TDRD5: variants seen among roughly 807,000 people sequenced by gnomAD.
The protein encoded by TDRD5 is tudor domain-containing protein 5.
TDRD5 carries 41 observed loss-of-function variants against 120.6 expected under a neutral mutation model. That is an observed-to-expected ratio of 0.34 (90% CI 0.26 to 0.44). The LOEUF (loss-of-function observed/expected upper bound fraction) is 0.44. TDRD5 is among the 20% of genes least tolerant of loss of function. The pLI is 1.00. For missense variants in TDRD5, 1,006 were observed against 1,221.2 expected (o/e 0.82, Z 2.63); for synonymous variants, 430 against 433.7 (o/e 0.99, Z 0.11).
chr1:179,611,428 T>C (rs1480495521), intron 4 of TDRD5, among the ~76,000 whole-genome samples: 2 of 152,146 alleles, frequency 1.3e-5, no homozygotes, highest in Non-Finnish European at 2.9e-5. Context: ...TATTAAATAT[T>C]ATTTTGAAAC....
At position 179,639,901 on chromosome 1, in the gene TDRD5, C is replaced by T. The variant is rs746383941; in HGVS notation, c.1583C>T (p.Pro528Leu). The T allele has an allele frequency of 5.6e-6, 9 of 1,614,032 alleles. No individual in the cohort carries two copies. Among genetic ancestry groups the T allele is most frequent in the East Asian group, 2.2e-5 (1 of 44,868 alleles). ...RYVMPECFIQ[P>L]GHLCCVRISE... ...GTCATGCCAGAATGTTTTATTCAGCCGGGACATCTCTGTTGTGTAAGGATT... is the reference window on the plus strand; with the variant it reads ...GTCATGCCAGAATGTTTTATTCAGCTGGGACATCTCTGTTGTGTAAGGATT... The change falls in exon 10 of 18, where the codon CCG becomes CTG. Residue 528 changes from proline to leucine, a missense_variant. Physicochemically the swap from Pro to Leu is moderately conservative, Grantham distance 98. Around this residue, in one of 3 missense-constraint regions of TDRD5, gnomAD observed 158 missense variants for 257.5 expected, o/e 0.61. Coordinates refer to ENST00000444136, the MANE Select transcript of TDRD5 (RefSeq NM_001199085.3).
At chr1:179,634,410 G>A (rs753200022) in intron 7 of TDRD5, 47 bp from the exon 8 acceptor site, 1 of 1,561,906 alleles carries the variant, frequency 6.4e-7, no homozygotes. Context: ...CTGCTCTATT[G>A]GCCATTTGAG....
rs775805075 is a variant in TDRD5, at chr1:179,618,627, C to T, written c.860C>T (p.Ala287Val). The change falls in exon 5 of 18, where the codon GCA becomes GTA. Residue 287 changes from alanine (A) to valine (V), a missense_variant. By Grantham distance (64) the Ala-to-Val change is moderately conservative. Transcript: ENST00000444136. ...QLENTFKSVI[A>V]QIGPGGTISS... ...GAGAACACATTCAAATCAGTTATTG[C>T]ACAGATTGGACCTGGAGGAACTATC... The T allele has an allele frequency of 6.3e-6, 10 of 1,595,690 alleles. No individual in the cohort carries two copies. The highest frequency in any genetic ancestry group is 1.1e-5 in the South Asian group (1 of 87,058).
rs1230334417 is a variant in TDRD5, at chr1:179,691,231, T to C, written c.*288T>C. On this transcript the variant is annotated 3_prime_UTR_variant, in exon 18 of 18. Transcript: ENST00000444136. ...ATTTGTTTTTTTGTGTTTGTTTTTCTTGTACATTATCATGACTGATAAATG... is the reference window on the plus strand; with the variant it reads ...ATTTGTTTTTTTGTGTTTGTTTTTCCTGTACATTATCATGACTGATAAATG... 3.8e-6 allele frequency: 1 copy of C among 263,558 alleles called. No homozygotes were observed. The highest frequency in any genetic ancestry group is 7.3e-6 in the Non-Finnish European group (1 of 137,324). The allele number at this position is 263,558 out of a possible 1,614,324, so 16.3% of individuals were successfully genotyped here.
Position 179,663,356 on chromosome 1 carries a change from T to G in TDRD5, c.2514T>G (p.Cys838Trp), listed in dbSNP as rs1679405169. ...CCATTTTTTCATTATAGGACTGGTGTTTTTCTACCCCTAAAGATACATGGG... is the reference window on the plus strand; with the variant it reads ...CCATTTTTTCATTATAGGACTGGTGGTTTTCTACCCCTAAAGATACATGGG... ...SCKEMPQKDW[C>W]FSTPKDTWDD... Residue 838 changes from cysteine to tryptophan, a missense_variant, in exon 16 of 18, where the codon TGT (cysteine) becomes TGG (tryptophan). By Grantham distance (215) the Cys-to-Trp change is radical (BLOSUM62 -2). Coordinates refer to ENST00000444136, the MANE Select transcript of TDRD5 (RefSeq NM_001199085.3). 1.9e-6 allele frequency: 3 copies of G among 1,610,802 alleles called. No individual in the cohort carries two copies. The highest frequency in any genetic ancestry group is 8.5e-7 in the Non-Finnish European group (1 of 1,179,164).
At chr1:179,631,358 C>T (rs938092508) in intron 7 of TDRD5, among the ~76,000 whole-genome samples, 17 of 152,198 alleles carry the variant, frequency 1.1e-4, no homozygotes, top group African/African-American at 4.1e-4. Flanking sequence ...AGCCACTGCA[C>T]TCCAGCCTGG....
chr1:179,593,930 T>C, intron 3 of TDRD5, 63 bp downstream of exon 3: 1 of 1,540,890 alleles, frequency 6.5e-7, no homozygotes, highest in Non-Finnish European at 8.7e-7. Context: ...ATCACTAAGG[T>C]CTATGAGTTC....
At chr1:179,644,089 G>A (rs1678207962) in intron 11 of TDRD5, among the ~76,000 whole-genome samples, 1 of 151,992 alleles carries the variant, frequency 6.6e-6, no homozygotes, top group Non-Finnish European at 1.5e-5. Flanking sequence ...ATGAAGAAAC[G>A]GAGACATTTT....
intron 14 of TDRD5, among the ~76,000 whole-genome samples, chr1:179,659,076 G>C (rs1374476102): frequency 6.6e-6 from 1 of 152,126 alleles, no homozygotes; most frequent in Non-Finnish European, 1.5e-5. Flanking sequence ...TTAACTTCCT[G>C]TTACGTCTTT....
At chr1:179,625,065 G>A (rs1677046128) in intron 6 of TDRD5, among the ~76,000 whole-genome samples, 1 of 150,956 alleles carries the variant, frequency 6.6e-6, no homozygotes, top group Non-Finnish European at 1.5e-5. Context: ...CTTAAAGCCA[G>A]GAGTTTGAAA....
At chr1:179,653,982 G>A (rs1184147113) in intron 13 of TDRD5, among the ~76,000 whole-genome samples, 1 of 152,138 alleles carries the variant, frequency 6.6e-6, no homozygotes, top group African/African-American at 2.4e-5. Context: ...TATTCACAGA[G>A]CTGTCTTGTA....
At chr1:179,689,224 G>T (rs1680957984) in intron 17 of TDRD5, among the ~76,000 whole-genome samples, 1 of 152,180 alleles carries the variant, frequency 6.6e-6, no homozygotes, top group Non-Finnish European at 1.5e-5. Context: ...TGTACAGATG[G>T]GGTTTTGGTG....
At chr1:179,640,523 G>T in intron 11 of TDRD5, 78 bp downstream of exon 11, 1 of 1,416,808 alleles carries the variant, frequency 7.1e-7, no homozygotes, top group Admixed American at 1.7e-5. Flanking sequence ...CACATGCTCA[G>T]GATATGAAGA....
chr1:179,625,129 AC>A (rs1677051276), intron 6 of TDRD5, among the ~76,000 whole-genome samples: 2 of 117,502 alleles, frequency 1.7e-5, no homozygotes, highest in African/African-American at 6.7e-5. Context: ...ACAACTGAAT[AC>A]AAAAAAAAAA....
intron 17 of TDRD5, among the ~76,000 whole-genome samples, chr1:179,678,457 A>T (rs1432223989): frequency 2.0e-5 from 3 of 152,202 alleles, no homozygotes; most frequent in African/African-American, 2.4e-5. Context: ...TCCAAGAACT[A>T]CCACAGGAAC....
intron 14 of TDRD5, among the ~76,000 whole-genome samples, chr1:179,657,469 G>T: frequency 6.6e-6 from 1 of 151,968 alleles, no homozygotes; most frequent in Non-Finnish European, 1.5e-5. Flanking sequence ...CCATTCTAGG[G>T]GGTGTTTTGT....
chr1:179,615,256 T>C (rs1243536177), intron 4 of TDRD5, among the ~76,000 whole-genome samples: 1 of 152,188 alleles, frequency 6.6e-6, no homozygotes, highest in African/African-American at 2.4e-5. Context: ...TAATACGGTG[T>C]ACAGCACATA....
At chr1:179,640,499 G>A in intron 11 of TDRD5, 54 bp downstream of exon 11, 9 of 1,531,968 alleles carry the variant, frequency 5.9e-6, no homozygotes, top group Non-Finnish European at 8.1e-6. Context: ...CCTATTATGT[G>A]CCAATAACAG....
chr1:179,606,612 A>G (rs1675997453), intron 4 of TDRD5, among the ~76,000 whole-genome samples: 1 of 152,036 alleles, frequency 6.6e-6, no homozygotes, highest in Non-Finnish European at 1.5e-5. Context: ...AATGTTTGTG[A>G]AGGGTGTAAG....
Sources: gnomAD v4.1 joint callset for allele counts (sites outside exome capture counted in the v4.1 genomes callset) on GRCh38, gnomAD v4.1.1 for gene constraint, gnomAD v4.1.1 regional missense constraint, MANE v1.5 for transcripts, NCBI Gene and HGNC (gene_info 2026-07-23, HGNC 2026-07-21) for gene names.